The following TMPRSS15 variants were observed in gnomAD, a reference collection of about 807,000 sequenced individuals.
TMPRSS15 encodes transmembrane serine protease 15.
TMPRSS15 carries 128 observed loss-of-function variants against 125.3 expected under a neutral mutation model. The ratio of observed to expected loss-of-function variants is 1.02; its 90% CI spans 0.89 to 1.18. The LOEUF is 1.18. TMPRSS15 is among the 50% of genes most tolerant of loss of function. The pLI is 0.00. For missense variants in TMPRSS15, 1,283 were observed against 1,212.7 expected (o/e 1.06, Z -0.86); for synonymous variants, 446 against 423.2 (o/e 1.05, Z -0.66).
intron 1 of TMPRSS15, among the ~76,000 whole-genome samples, chr21:18,450,043 C>T (rs1306162599): frequency 2.0e-5 from 3 of 152,102 alleles, no homozygotes; most frequent in Non-Finnish European, 2.9e-5. Flanking sequence ...TTGGCTCTCA[C>T]TTAAGTATTT....
chr21:18,361,907 T>C (rs1336505956), intron 7 of TMPRSS15, among the ~76,000 whole-genome samples: 1 of 151,842 alleles, frequency 6.6e-6, no homozygotes, highest in African/African-American at 2.4e-5. Flanking sequence ...ACCCAAAGCA[T>C]AAACCTATAG....
chr21:18,448,913 G>A (rs1013310287), intron 1 of TMPRSS15, among the ~76,000 whole-genome samples: 8 of 152,032 alleles, frequency 5.3e-5, no homozygotes, highest in Non-Finnish European at 1.2e-4. Flanking sequence ...CTGATATTTT[G>A]AGATAAAGTC....
intron 1 of TMPRSS15, among the ~76,000 whole-genome samples, chr21:18,450,889 A>G (rs1483111741): frequency 2.6e-5 from 4 of 152,200 alleles, no homozygotes; most frequent in East Asian, 1.9e-4. Context: ...ACCGTCAACA[A>G]TAAGAAAGCC....
At position 18,275,110 on chromosome 21, in the gene TMPRSS15, T is replaced by G. The variant is rs1427076647; in HGVS notation, c.2904+87A>C. ...AAGAGAAATGAAAGAAGCTTATTTC[T>G]TTACTCCCTAATTATTGTTAAGCAA... On this transcript the variant is annotated intron_variant, in intron 24 of 24. Transcript: ENST00000284885. 4.0e-6 allele frequency: 6 copies of G among 1,514,192 alleles called. No homozygotes were observed. In the African/African-American group the frequency reaches 4.1e-5, roughly 10 times the overall value. 93.8% of individuals were successfully genotyped at this position (1,514,192 alleles called of 1,614,324 possible).
intron 18 of TMPRSS15, among the ~76,000 whole-genome samples, chr21:18,311,814 A>G (rs888252872): frequency 6.6e-6 from 1 of 152,198 alleles, no homozygotes; most frequent in African/African-American, 2.4e-5. Context: ...ACTATTCACA[A>G]TAGCCAACAT....
At chr21:18,330,047 CTT>C (rs2075329651) in intron 14 of TMPRSS15, among the ~76,000 whole-genome samples, 1 of 152,106 alleles carries the variant, frequency 6.6e-6, no homozygotes. Context: ...AGAATTATCT[CTT>C]TTGCAAACTC....
intron 1 of TMPRSS15, among the ~76,000 whole-genome samples, chr21:18,414,499 G>A (rs993849869): frequency 6.6e-6 from 1 of 151,974 alleles, no homozygotes; most frequent in Non-Finnish European, 1.5e-5. Context: ...TATACATATC[G>A]AATTCTTCAT....
At chr21:18,410,492 G>A (rs1376772186) in intron 1 of TMPRSS15, among the ~76,000 whole-genome samples, 2 of 151,824 alleles carry the variant, frequency 1.3e-5, no homozygotes, top group Non-Finnish European at 1.5e-5. Flanking sequence ...CTGCTTACCA[G>A]TCACCTGTTT....
intron 1 of TMPRSS15, among the ~76,000 whole-genome samples, chr21:18,450,447 T>C (rs926325089): frequency 3.3e-5 from 5 of 152,188 alleles, no homozygotes; most frequent in African/African-American, 1.2e-4. Context: ...TGCTTAAGAA[T>C]TATAAATCTT....
chr21:18,422,967 T>C (rs955931806), intron 1 of TMPRSS15, among the ~76,000 whole-genome samples: 1 of 152,206 alleles, frequency 6.6e-6, no homozygotes, highest in Non-Finnish European at 1.5e-5. Context: ...TCGTCTCATT[T>C]GCATGGGGCT....
chr21:18,326,922 T>C (rs1287812826), intron 15 of TMPRSS15, among the ~76,000 whole-genome samples: 1 of 152,206 alleles, frequency 6.6e-6, no homozygotes, highest in Non-Finnish European at 1.5e-5. Context: ...ATGGAGTTTA[T>C]AGTCACCTTT....
intron 1 of TMPRSS15, among the ~76,000 whole-genome samples, chr21:18,467,949 G>T (rs531075881): frequency 5.6e-4 from 85 of 152,076 alleles, no homozygotes; most frequent in Non-Finnish European, 1.1e-3. Context: ...AAACAGAAGA[G>T]AAAAAGAAAG....
intron 1 of TMPRSS15, among the ~76,000 whole-genome samples, chr21:18,481,382 G>A (rs1181152687): frequency 6.6e-6 from 1 of 151,664 alleles, no homozygotes; most frequent in Non-Finnish European, 1.5e-5. Flanking sequence ...TTATAGAGGT[G>A]TTATACATAA....
chr21:18,479,906 A>G (rs1978949330), intron 1 of TMPRSS15, among the ~76,000 whole-genome samples: 1 of 152,132 alleles, frequency 6.6e-6, no homozygotes, highest in African/African-American at 2.4e-5. Flanking sequence ...CCAAAGGATG[A>G]TAAATCATTC....
intron 16 of TMPRSS15, among the ~76,000 whole-genome samples, chr21:18,316,264 G>A (rs999319349): frequency 1.3e-4 from 20 of 152,030 alleles, no homozygotes; most frequent in Admixed American, 2.6e-4. Flanking sequence ...CCTCTTCCTC[G>A]TAATTTCGTT....
chr21:18,290,768 G>T (rs774891270), intron 21 of TMPRSS15, among the ~76,000 whole-genome samples: 14 of 152,018 alleles, frequency 9.2e-5, no homozygotes, highest in Non-Finnish European at 1.3e-4. Context: ...GAAGTGTCCT[G>T]TTTTTAGTAA....
chr21:18,470,165 A>G (rs1242342521), intron 1 of TMPRSS15, among the ~76,000 whole-genome samples: 1 of 152,054 alleles, frequency 6.6e-6, no homozygotes, highest in Non-Finnish European at 1.5e-5. Flanking sequence ...CTCTCTTTTA[A>G]TGAAGGTGTT....
At chr21:18,407,795 T>C (rs149003327), upstream of TMPRSS15, among the ~76,000 whole-genome samples, 88 of 152,286 alleles carry the variant, frequency 5.8e-4, no homozygotes, top group African/African-American at 1.9e-3. Flanking sequence ...ACTTGAGACA[T>C]TTAACCGTAT....
intron 21 of TMPRSS15, among the ~76,000 whole-genome samples, chr21:18,284,518 G>A (rs2074739425): frequency 6.6e-6 from 1 of 152,096 alleles, no homozygotes; most frequent in Non-Finnish European, 1.5e-5. Context: ...CAAATCTGAG[G>A]GGCAGGTGAA....
Sources: allele counts gnomAD v4.1 joint callset (sites outside exome capture counted in the v4.1 genomes callset), GRCh38; gene constraint gnomAD v4.1.1; transcripts MANE v1.5; gene names NCBI Gene and HGNC (gene_info 2026-07-23, HGNC 2026-07-21).